Variants in IMMP2L observed in about 807,000 individuals in gnomAD.
IMMP2L encodes the protein inner mitochondrial membrane peptidase subunit 2, also known as mitochondrial inner membrane protease subunit 2.
A neutral mutation model predicts 19.3 loss-of-function variants in IMMP2L; 18 were observed. The ratio of observed to expected loss-of-function variants is 0.93; its 90% confidence interval spans 0.64 to 1.38. The LOEUF (loss-of-function observed/expected upper bound fraction) is 1.38. Ranked by LOEUF, IMMP2L falls within the 40% of genes most tolerant of loss-of-function variation. IMMP2L has a pLI of 0.00. For synonymous variants in IMMP2L, 76 were observed against 73.0 expected (o/e 1.04, Z -0.21); for missense variants, 233 against 218.2 (o/e 1.07, Z -0.43).
intron 3 of IMMP2L, among the ~76,000 whole-genome samples, chr7:111,203,993 C>T (rs1810437905): frequency 6.6e-6 from 1 of 151,894 alleles, no homozygotes; most frequent in African/African-American, 2.4e-5. Context: ...AATGGACTCA[C>T]AAATCACTTA....
chr7:110,782,258 A>C (rs930744241), intron 5 of IMMP2L, among the ~76,000 whole-genome samples: 1 of 151,962 alleles, frequency 6.6e-6, no homozygotes, highest in Non-Finnish European at 1.5e-5. Context: ...TACAATTCCA[A>C]TCCTCAGAAA....
intron 1 of IMMP2L, among the ~76,000 whole-genome samples, chr7:111,548,895 A>T (rs1265136191): frequency 6.6e-6 from 1 of 152,204 alleles, no homozygotes; most frequent in East Asian, 1.9e-4. Flanking sequence ...TCCTACAAAC[A>T]GGAAATAATG....
At chr7:111,070,511 A>G (rs2129575302) in intron 3 of IMMP2L, among the ~76,000 whole-genome samples, 1 of 152,312 alleles carries the variant, frequency 6.6e-6, no homozygotes. Context: ...TTATGATTGG[A>G]TATTTTTGAC....
At chr7:110,825,930 T>C (rs1298734859) in intron 5 of IMMP2L, among the ~76,000 whole-genome samples, 1 of 152,092 alleles carries the variant, frequency 6.6e-6, no homozygotes, top group Admixed American at 6.6e-5. Context: ...ATTTTCGCAA[T>C]CTGGTCATCT....
rs565923205 is a variant in IMMP2L at position 111,518,816 on chromosome 7, A to C, written c.135+2497T>G. ...TCATGAAATATAGATCCAATTGTAA[A>C]AACATATTTTCCTTTCTTCCTAGAA... On this transcript the variant is annotated intron_variant, in intron 2 of 5. Transcript: ENST00000405709. Among the ~76,000 whole-genome samples the C allele has an allele frequency of 3.3e-5, 5 of 152,274 alleles. No individual in the cohort carries two copies. In the South Asian group the frequency reaches 1.0e-3, roughly 32 times the overall value.
rs1261649429 is a variant in IMMP2L, at chr7:110,886,651, T to G, written c.350A>C (p.His117Pro). Residue 117 changes from histidine to proline, a missense_variant, in exon 5 of 6, where the codon CAC becomes CCC. Physicochemically the swap from His to Pro is moderately conservative, Grantham distance 77. Coordinates refer to ENST00000405709, the MANE Select transcript of IMMP2L (RefSeq NM_032549.4). Reference protein sequence around the residue: ...KNRYVKVPRGHIWVEGDHHGH... With the variant: ...KNRYVKVPRGPIWVEGDHHGH... Reference sequence around the variant, plus strand: ...ATGATGATCACCTTCAACCCAGATGTGACCACGGGGGACTTTGACATACCG... The same window carrying G: ...ATGATGATCACCTTCAACCCAGATGGGACCACGGGGGACTTTGACATACCG... 1 of 1,610,208 alleles carries G rather than the reference T, an allele frequency of 6.2e-7. No individual in the cohort carries two copies.
intron 5 of IMMP2L, among the ~76,000 whole-genome samples, chr7:110,873,778 GAAA>G (rs572557458): frequency 1.7e-5 from 2 of 118,724 alleles, no homozygotes. Context: ...TCTGTCTCAG[GAAA>G]AAAAAAAAAA....
At chr7:111,340,003 T>G (rs78331850) in intron 3 of IMMP2L, among the ~76,000 whole-genome samples, 1 of 151,946 alleles carries the variant, frequency 6.6e-6, no homozygotes, top group Admixed American at 6.6e-5. Context: ...TGTAGATCAC[T>G]GATACTACCA....
intron 5 of IMMP2L, among the ~76,000 whole-genome samples, chr7:110,740,628 A>G (rs542549664): frequency 6.6e-6 from 1 of 152,340 alleles, no homozygotes; most frequent in African/African-American, 2.4e-5. Flanking sequence ...GCTGAATTCT[A>G]TCAGACATTC....
At chr7:111,311,930 T>C (rs1161740645) in intron 3 of IMMP2L, among the ~76,000 whole-genome samples, 1 of 151,880 alleles carries the variant, frequency 6.6e-6, no homozygotes, top group African/African-American at 2.4e-5. Flanking sequence ...AATGAGAGAG[T>C]CTATTTTGAA....
chr7:110,815,595 C>T (rs530230497), intron 5 of IMMP2L, among the ~76,000 whole-genome samples: 22 of 151,896 alleles, frequency 1.4e-4, no homozygotes, highest in African/African-American at 5.3e-4. Context: ...CCATCTGGTC[C>T]TGGACTTTTT....
At chr7:110,943,888 T>G (rs1816975858) in intron 4 of IMMP2L, among the ~76,000 whole-genome samples, 1 of 152,020 alleles carries the variant, frequency 6.6e-6, no homozygotes. Context: ...CTGAGACTCA[T>G]GTTCTTTACT....
chr7:110,769,241 AT>A (rs1175383008), intron 5 of IMMP2L, among the ~76,000 whole-genome samples: 1 of 152,126 alleles, frequency 6.6e-6, no homozygotes, highest in Non-Finnish European at 1.5e-5. Flanking sequence ...GTCACTTCTT[AT>A]ACTTTATGTC....
intron 3 of IMMP2L, among the ~76,000 whole-genome samples, chr7:111,102,087 A>G (rs776971558): frequency 7.3e-5 from 11 of 151,606 alleles, no homozygotes; most frequent in Non-Finnish European, 1.3e-4. Flanking sequence ...TTTCTTTAAA[A>G]AAAAAAAATG....
At chr7:111,087,432 G>C (rs1796443166) in intron 3 of IMMP2L, among the ~76,000 whole-genome samples, 3 of 142,182 alleles carry the variant, frequency 2.1e-5, no homozygotes, top group Non-Finnish European at 1.5e-5. Context: ...TTGGGCAACA[G>C]AGCAAGACTC....
chr7:111,047,459 A>G (rs888030675), intron 3 of IMMP2L, among the ~76,000 whole-genome samples: 2 of 152,168 alleles, frequency 1.3e-5, no homozygotes, highest in Non-Finnish European at 2.9e-5. Context: ...AAGTGCTAGG[A>G]ATACAGGCAT....
intron 3 of IMMP2L, among the ~76,000 whole-genome samples, chr7:111,286,721 C>T (rs1056597618): frequency 6.6e-6 from 1 of 152,068 alleles, no homozygotes; most frequent in Non-Finnish European, 1.5e-5. Context: ...TGCATTACTT[C>T]ATGAAAACAA....
chr7:110,918,209 G>A (rs1813838552), intron 4 of IMMP2L, among the ~76,000 whole-genome samples: 1 of 152,108 alleles, frequency 6.6e-6, no homozygotes, highest in Admixed American at 6.6e-5. Flanking sequence ...CACAGATTAT[G>A]AAATTATTAC....
chr7:111,126,468 A>T (rs1801324014), intron 3 of IMMP2L, among the ~76,000 whole-genome samples: 1 of 152,290 alleles, frequency 6.6e-6, no homozygotes, highest in South Asian at 2.1e-4. Context: ...TGTTAACTAA[A>T]GGAAAAGCTT....
Sources: allele counts gnomAD v4.1 joint callset (sites outside exome capture counted in the v4.1 genomes callset), GRCh38; gene constraint gnomAD v4.1.1; transcripts MANE v1.5; gene names NCBI Gene and HGNC (gene_info 2026-07-23, HGNC 2026-07-21).